Variants in EYS observed in about 807,000 individuals in gnomAD.
The protein encoded by EYS is EGF-like photoreceptor maintenance factor.
In EYS, 250 loss-of-function variants were observed where a neutral mutation model predicts 282.1. The observed-to-expected ratio is 0.89, with a 90% confidence interval of 0.80 to 0.98. The LOEUF (loss-of-function observed/expected upper bound fraction) is 0.98, where lower values mean the gene tolerates loss of function less well. EYS is among the 50% of genes least tolerant of loss of function. EYS has a pLI of 0.00. For missense variants in EYS, 4,016 were observed against 3,709.0 expected (o/e 1.08, Z -2.15); for synonymous variants, 1,355 against 1,282.9 (o/e 1.06, Z -1.20).
chr6:63,901,355 A>C (rs1041030318), intron 35 of EYS, among the ~76,000 whole-genome samples: 24 of 152,246 alleles, frequency 1.6e-4, no homozygotes, highest in African/African-American at 5.1e-4. Context: ...AAAGGATTGA[A>C]GTGAAATAAA....
In EYS at chr6:64,821,676, C is replaced by T. The variant is rs1764902942; in HGVS notation, c.3212G>A (p.Gly1071Glu). Residue 1071 changes from glycine to glutamate, a missense_variant, in exon 21 of 43, where the codon GGG becomes GAG. By Grantham distance (98) the Gly-to-Glu change is moderately conservative. Coordinates refer to ENST00000503581, the MANE Select transcript of EYS (RefSeq NM_001142800.2). Reference protein sequence around the residue: ...NEYPCSCDADGTSTQCKIKIN... With the variant: ...NEYPCSCDADETSTQCKIKIN... Reference sequence around the variant, plus strand: ...TTTGATCTTACATTGTGTGCTAGTCCCATCTGCATCACATGAACATGGATA... The same window carrying T: ...TTTGATCTTACATTGTGTGCTAGTCTCATCTGCATCACATGAACATGGATA... The T allele has an allele frequency of 7.2e-6, 11 of 1,519,604 alleles. No individual in the cohort carries two copies. The highest frequency in any genetic ancestry group is 1.2e-5 in the South Asian group (1 of 81,248). 94.1% of individuals were successfully genotyped at this position (1,519,604 alleles called of 1,614,324 possible). A position where few individuals can be genotyped will look rare whatever the true frequency, so the allele number is the denominator to read the frequency against.
intron 8 of EYS, 27 bp from the exon 9 acceptor site, chr6:65,353,644 G>A (rs1237918220): frequency 6.3e-7 from 1 of 1,593,896 alleles, no homozygotes; most frequent in African/African-American, 1.3e-5. Context: ...AGGAAAAATG[G>A]TAAATTCTTT....
chr6:65,473,348 GGAGAATTT>G (rs1367360545), intron 5 of EYS, among the ~76,000 whole-genome samples: 1 of 151,790 alleles, frequency 6.6e-6, no homozygotes, highest in Non-Finnish European at 1.5e-5. Flanking sequence ...CAAAAATCTT[GGAGAATTT>G]GAAAAAGAAG....
At position 64,359,195 on chromosome 6, in the gene EYS, G is replaced by A. The variant is rs1771926693; in HGVS notation, c.6078+29495C>T. ...TATGGTTTTAAGTAAAGAATATTCT[G>A]TTGCCAAAAAAATAGAAAAGATAAT... is the stretch of plus-strand genomic sequence containing the variant. On this transcript the variant is annotated intron_variant, in intron 29 of 42. Transcript: ENST00000503581. Among the ~76,000 whole-genome samples the A allele has an allele frequency of 3.3e-5, 5 of 151,462 alleles. 1 individual carries two copies. Among genetic ancestry groups the A allele is most frequent in the Admixed American group, 3.3e-4 (5 of 15,168 alleles).
intron 31 of EYS, among the ~76,000 whole-genome samples, chr6:64,204,239 A>C (rs35976520): frequency 0.31 from 47,450 of 152,070 alleles, 7,457 homozygotes; most frequent in East Asian, 0.5. Flanking sequence ...CTTCAAAGCA[A>C]TGTTCTTCAA....
chr6:63,861,905 A>G (rs561082352), intron 36 of EYS, among the ~76,000 whole-genome samples: 1 of 152,332 alleles, frequency 6.6e-6, no homozygotes, highest in East Asian at 1.9e-4. Context: ...TCTGTTGTTT[A>G]TAAGTCACCC....
intron 31 of EYS, among the ~76,000 whole-genome samples, chr6:64,138,077 C>T (rs1301657230): frequency 6.6e-6 from 1 of 152,064 alleles, no homozygotes; most frequent in Admixed American, 6.6e-5. Context: ...CGAGATGAAG[C>T]AAGAAAAAGG....
rs1390542774 is a variant in EYS at position 64,943,758 on chromosome 6, A to G, written c.2381+2035T>C. On this transcript the variant is annotated intron_variant, in intron 15 of 42. Coordinates refer to ENST00000503581, the MANE Select transcript of EYS (RefSeq NM_001142800.2). ...CCGTGTTCATGGCTTGGAAGAATCC[A>G]TATCATTAAAATGGACATAATGCCC... Among the ~76,000 whole-genome samples, 5 of 152,140 alleles carry G rather than the reference A, an allele frequency of 3.3e-5. No homozygotes were observed. The East Asian group carries it at 5.8e-4, about 18-fold the overall frequency.
At chr6:63,998,347 G>A (rs1767929221) in intron 34 of EYS, among the ~76,000 whole-genome samples, 1 of 152,058 alleles carries the variant, frequency 6.6e-6, no homozygotes, top group Non-Finnish European at 1.5e-5. Context: ...TCTTTTGGAT[G>A]CCTATATATA....
chr6:64,499,607 T>C (rs550604331), intron 26 of EYS, among the ~76,000 whole-genome samples: 1 of 152,252 alleles, frequency 6.6e-6, no homozygotes, highest in South Asian at 2.1e-4. Flanking sequence ...CAGAATGATC[T>C]GCTCATATCC....
In EYS at chr6:63,789,083, T is replaced by C; in HGVS notation, c.7553A>G (p.Lys2518Arg). ...CTTCAGCCAGCCCTCTTGGAAGAAC[T>C]TGCCCAGATGAACAGTGTGGACTCC... is the stretch of plus-strand genomic sequence containing the variant. ...SLGVHTVHLG[K>R]FFQEGWLKVD... is the part of the protein sequence containing the mutation. Residue 2518 changes from lysine (K) to arginine (R), a missense_variant, in exon 38 of 43, where the codon AAG (lysine) becomes AGG (arginine). Physicochemically the swap from Lys to Arg is conservative, Grantham distance 26 (BLOSUM62 2). Coordinates refer to ENST00000503581, the MANE Select transcript of EYS (RefSeq NM_001142800.2). 4 of 1,551,602 alleles carry C rather than the reference T, an allele frequency of 2.6e-6. No individual in the cohort carries two copies. Among genetic ancestry groups the C allele is most frequent in the Non-Finnish European group, 3.5e-6 (4 of 1,146,928 alleles).
At chr6:64,325,392 G>A (rs1770376884) in intron 29 of EYS, among the ~76,000 whole-genome samples, 1 of 152,178 alleles carries the variant, frequency 6.6e-6, no homozygotes, top group South Asian at 2.1e-4. Context: ...GGAACACCCT[G>A]TGGGACAAAA....
At chr6:64,906,902 T>G (rs1767845335) in intron 16 of EYS, among the ~76,000 whole-genome samples, 1 of 152,124 alleles carries the variant, frequency 6.6e-6, no homozygotes, top group Non-Finnish European at 1.5e-5. Context: ...GAAAAGAAAT[T>G]ATTTAATTCT....
chr6:63,860,349 CA>C (rs1251017404), intron 36 of EYS, among the ~76,000 whole-genome samples: 2 of 152,180 alleles, frequency 1.3e-5, no homozygotes, highest in Non-Finnish European at 2.9e-5. Context: ...CTATAACCTC[CA>C]GCTTTTCTGA....
chr6:64,434,271 G>A (rs1774667201), intron 28 of EYS, among the ~76,000 whole-genome samples: 1 of 152,084 alleles, frequency 6.6e-6, no homozygotes, highest in South Asian at 2.1e-4. Flanking sequence ...AATTGCAATT[G>A]TGAGATTAAA....
At chr6:64,666,372 CT>C (rs1769228664) in intron 22 of EYS, among the ~76,000 whole-genome samples, 2 of 152,328 alleles carry the variant, frequency 1.3e-5, no homozygotes, top group South Asian at 2.1e-4. Context: ...ATCATCCAAT[CT>C]AATGATTACA....
At chr6:64,556,118 T>C (rs1765224818) in intron 26 of EYS, among the ~76,000 whole-genome samples, 1 of 152,028 alleles carries the variant, frequency 6.6e-6, no homozygotes, top group African/African-American at 2.4e-5. Flanking sequence ...CAACAACTGA[T>C]AAATTTTACT....
At chr6:64,321,890 ATACTT>A (rs1373818918) in intron 29 of EYS, among the ~76,000 whole-genome samples, 1 of 151,964 alleles carries the variant, frequency 6.6e-6, no homozygotes, top group African/African-American at 2.4e-5. Context: ...AAATATAGGA[ATACTT>A]TAGTTCACAA....
At chr6:65,465,584 T>C (rs1315335706) in intron 5 of EYS, among the ~76,000 whole-genome samples, 1 of 152,022 alleles carries the variant, frequency 6.6e-6, no homozygotes, top group East Asian at 1.9e-4. Context: ...AAATAAAAAT[T>C]GGAATTAAAT....
Sources: gnomAD v4.1 joint callset for allele counts (sites outside exome capture counted in the v4.1 genomes callset) on GRCh38, gnomAD v4.1.1 for gene constraint, MANE v1.5 for transcripts, NCBI Gene and HGNC (gene_info 2026-07-23, HGNC 2026-07-21) for gene names.